The following ZNF625 variants were observed in gnomAD, a reference collection of about 807,000 sequenced individuals.
ZNF625 encodes the protein zinc finger protein 625.
In ZNF625, 8 loss-of-function variants were observed where a neutral mutation model predicts 11.1. The observed-to-expected ratio is 0.72, with a 90% CI of 0.42 to 1.30. The LOEUF is 1.30. Ranked by LOEUF, ZNF625 falls within the 50% of genes most tolerant of loss-of-function variation. ZNF625 has a pLI of 0.01. For missense variants in ZNF625, 349 were observed against 447.6 expected, an observed-to-expected ratio of 0.78 and a Z score of 1.99; for synonymous variants, 145 against 153.4, an observed-to-expected ratio of 0.95 and a Z score of 0.41.
chr19:12,155,825 G>A (rs2145616711), intron 1 of ZNF625, among the ~76,000 whole-genome samples: 1 of 152,080 alleles, frequency 6.6e-6, no homozygotes, highest in East Asian at 1.9e-4. Context: ...ATTTTTAAGA[G>A]GACTCAGTTT....
intron 1 of ZNF625, 69 bp downstream of exon 1, chr19:12,156,487 T>A: frequency 7.5e-7 from 1 of 1,341,858 alleles, no homozygotes; most frequent in Non-Finnish European, 9.7e-7. Flanking sequence ...TGGGTCCTGC[T>A]AGAGCCGGTT....
chr19:12,149,890 CCAA>C (rs1156814547), intron 1 of ZNF625, among the ~76,000 whole-genome samples: 3 of 152,096 alleles, frequency 2.0e-5, no homozygotes, highest in African/African-American at 7.2e-5. Flanking sequence ...CAGGCATGCA[CCAA>C]CACTGCGGGC....
At chr19:12,155,502 C>A (rs957693391) in intron 1 of ZNF625, among the ~76,000 whole-genome samples, 7 of 152,160 alleles carry the variant, frequency 4.6e-5, no homozygotes, top group African/African-American at 1.7e-4. Context: ...GCCTTCTAAG[C>A]CCCGCTTCTA....
In ZNF625 at chr19:12,145,473, C is replaced by T. The variant is rs1348782828; in HGVS notation, c.943G>A (p.Ala315Thr). 8 of 1,613,704 alleles carry T rather than the reference C, an allele frequency of 5.0e-6. No individual in the cohort carries two copies. Among genetic ancestry groups the T allele is most frequent in the Non-Finnish European group, 6.8e-6 (8 of 1,179,944 alleles). ...CTTCCATGTGTTCGAAGGTGCGAGG[C>T]AGATCTGAAGGCTTTCCCACATTGC... Reference protein sequence around the residue: ...CKQCGKAFRSASHLRTHGRTH... With the variant: ...CKQCGKAFRSTSHLRTHGRTH... Residue 315 changes from alanine (A) to threonine (T), a missense_variant, in exon 4 of 4, where the codon GCC (alanine) becomes ACC (threonine). By Grantham distance (58) the Ala-to-Thr change is moderately conservative. Coordinates refer to ENST00000439556, the MANE Select transcript of ZNF625 (RefSeq NM_145233.4).
chr19:12,147,209 C>T (rs541103999), intron 3 of ZNF625, among the ~76,000 whole-genome samples, 186 bp downstream of exon 3: 32 of 152,254 alleles, frequency 2.1e-4, no homozygotes, highest in African/African-American at 2.6e-4. Flanking sequence ...CCTCGTGATC[C>T]GCCTGCCTCA....
At chr19:12,155,422 C>A (rs1765407597) in intron 1 of ZNF625, among the ~76,000 whole-genome samples, 1 of 152,042 alleles carries the variant, frequency 6.6e-6, no homozygotes, top group African/African-American at 2.4e-5. Flanking sequence ...CCTTCCTACC[C>A]CTTTCAAATT....
chr19:12,151,837 G>A (rs1178106706), intron 1 of ZNF625, among the ~76,000 whole-genome samples: 1 of 152,038 alleles, frequency 6.6e-6, no homozygotes, highest in East Asian at 1.9e-4. Flanking sequence ...TCTTCATTGT[G>A]TCTTTCAAAA....
At position 12,149,183 on chromosome 19, in the gene ZNF625, G is replaced by A. The variant is rs1243624539; in HGVS notation, c.4-1381C>T. On this transcript the variant is annotated intron_variant, in intron 1 of 3. Coordinates refer to ENST00000439556, the MANE Select transcript of ZNF625 (RefSeq NM_145233.4). ...GCCTGTAATCCCAGCTACTCAGGAGGCTGAGGCAGGAGAATCACTTGAACA... is the reference window on the plus strand; with the variant it reads ...GCCTGTAATCCCAGCTACTCAGGAGACTGAGGCAGGAGAATCACTTGAACA... Among the ~76,000 whole-genome samples, 5 of 151,022 alleles carry A rather than the reference G, an allele frequency of 3.3e-5. No individual in the cohort carries two copies. The East Asian group carries it at 9.9e-4, about 30-fold the overall frequency.
chr19:12,152,915 T>C (rs1043153795), intron 1 of ZNF625, among the ~76,000 whole-genome samples: 1 of 151,858 alleles, frequency 6.6e-6, no homozygotes, highest in Non-Finnish European at 1.5e-5. Flanking sequence ...ATAAGGTATA[T>C]ATAAAAAATG....
intron 1 of ZNF625, among the ~76,000 whole-genome samples, chr19:12,152,053 A>G (rs1194823085): frequency 1.3e-5 from 2 of 152,142 alleles, no homozygotes; most frequent in East Asian, 1.9e-4. Flanking sequence ...TAATAAGGAA[A>G]TGAAACTCAC....
At chr19:12,146,970 A>ATTTTTTTTTTTTTTTTT (rs934558893) in intron 3 of ZNF625, among the ~76,000 whole-genome samples, 6 of 130,812 alleles carry the variant, frequency 4.6e-5, no homozygotes, top group East Asian at 2.3e-4. Flanking sequence ...GTTTTTAGAG[A>ATTTTTTTTTTTTTTTTT]TTTTTTTTTT....
intron 1 of ZNF625, among the ~76,000 whole-genome samples, chr19:12,155,318 C>T (rs932608562): frequency 6.6e-5 from 10 of 151,946 alleles, no homozygotes; most frequent in Non-Finnish European, 1.5e-4. Flanking sequence ...GGTAAAGTCA[C>T]GCCTTAGAAT....
At chr19:12,152,561 G>T (rs115357417) in intron 1 of ZNF625, among the ~76,000 whole-genome samples, 4 of 151,978 alleles carry the variant, frequency 2.6e-5, no homozygotes, top group African/African-American at 9.7e-5. Context: ...AAAAACACTC[G>T]GCCGGGTGCA....
chr19:12,154,372 T>C (rs529882475), intron 1 of ZNF625, among the ~76,000 whole-genome samples: 1 of 152,110 alleles, frequency 6.6e-6, no homozygotes, highest in Non-Finnish European at 1.5e-5. Flanking sequence ...GTCTAATTTT[T>C]CTATTTTTCT....
At chr19:12,152,943 G>A (rs890698359) in intron 1 of ZNF625, among the ~76,000 whole-genome samples, 2 of 151,978 alleles carry the variant, frequency 1.3e-5, no homozygotes, top group Non-Finnish European at 2.9e-5. Context: ...ACCCTCATTC[G>A]TGATGGTGAA....
intron 1 of ZNF625, among the ~76,000 whole-genome samples, chr19:12,154,141 C>A (rs1386426075): frequency 6.6e-6 from 1 of 152,058 alleles, no homozygotes; most frequent in Non-Finnish European, 1.5e-5. Flanking sequence ...ATTGAAAATG[C>A]CTGAACAGAG....
At chr19:12,151,485 T>C (rs1976954993) in intron 1 of ZNF625, among the ~76,000 whole-genome samples, 1 of 150,580 alleles carries the variant, frequency 6.6e-6, no homozygotes, top group Admixed American at 6.6e-5. Context: ...GGTTAACGCC[T>C]TTCTCCTGCC....
At chr19:12,155,789 C>T (rs1373021068) in intron 1 of ZNF625, among the ~76,000 whole-genome samples, 2 of 152,072 alleles carry the variant, frequency 1.3e-5, no homozygotes, top group African/African-American at 2.4e-5. Flanking sequence ...TTTTCAAACT[C>T]CTATTCTGAG....
rs1401329464 is a variant in ZNF625 at position 12,147,454 on chromosome 19, T to G, written c.132A>C (p.Gly44=). Residue 44 remains glycine, a splice_region_variant and synonymous_variant, in exon 3 of 4, where the codon GGA becomes GGC. Coordinates refer to ENST00000439556, the MANE Select transcript of ZNF625 (RefSeq NM_145233.4). ...CAATTTTCTGATCTTTCCATTTTTT[T>G]CCTAAAATACAGAACCAGAAAAATA... ...QETFRNLASV[G]KKWKDQKIED... is the part of the protein sequence containing the mutation. 2 of 1,531,156 alleles carry G rather than the reference T, an allele frequency of 1.3e-6. No individual in the cohort carries two copies. Among genetic ancestry groups the G allele is most frequent in the East Asian group, 4.9e-5 (2 of 40,858 alleles). 94.8% of individuals were successfully genotyped at this position (1,531,156 alleles called of 1,614,324 possible).
Sources: allele counts gnomAD v4.1 joint callset (sites outside exome capture counted in the v4.1 genomes callset), GRCh38; gene constraint gnomAD v4.1.1; transcripts MANE v1.5; gene names NCBI Gene and HGNC (gene_info 2026-07-23, HGNC 2026-07-21).